Variants in LOC400499 observed in about 807,000 individuals in gnomAD.
At chr16:11,444,539 G>A in the LOC400499 span, among the ~76,000 whole-genome samples, 55 of 152,308 alleles carry the variant, frequency 3.6e-4, no homozygotes, top group Admixed American at 3.2e-3. Context: ...GAATTGTAAC[G>A]GTAGTTATGA....
chr16:11,384,631 A>T, the LOC400499 span, among the ~76,000 whole-genome samples: 13 of 152,218 alleles, frequency 8.5e-5, no homozygotes, highest in Middle Eastern at 3.2e-3. Flanking sequence ...GGGACGACAG[A>T]AGGGCCAACT....
At chr16:11,501,027 A>C in the LOC400499 span, 1 of 398,576 alleles carries the variant, frequency 2.5e-6, no homozygotes. Context: ...ATCTCACCGA[A>C]GTCACCCGGG....
At chr16:11,424,159 G>A in the LOC400499 span, 4 of 399,508 alleles carry the variant, frequency 1.0e-5, no homozygotes, top group Non-Finnish European at 1.8e-5. Flanking sequence ...CAGTGCTTGA[G>A]GCTGGGCATG....
chr16:11,510,798 G>A, the LOC400499 span, among the ~76,000 whole-genome samples: 2 of 151,514 alleles, frequency 1.3e-5, no homozygotes, highest in Non-Finnish European at 2.9e-5. Context: ...CACGACAGTT[G>A]GGAACCAGAT....
At chr16:11,462,048 A>C in the LOC400499 span, 17 of 1,318,374 alleles carry the variant, frequency 1.3e-5, no homozygotes, top group African/African-American at 2.6e-4. Flanking sequence ...GACCATAAGG[A>C]GGCACTTGGG....
chr16:11,454,612 G>A, the LOC400499 span, among the ~76,000 whole-genome samples: 7 of 152,230 alleles, frequency 4.6e-5, no homozygotes, highest in African/African-American at 1.7e-4. Flanking sequence ...AGGGAGGGTT[G>A]TCCCCAGAGC....
the LOC400499 span, among the ~76,000 whole-genome samples, chr16:11,512,297 T>A: frequency 7.5e-3 from 1,050 of 139,482 alleles, 14 homozygotes; most frequent in African/African-American, 0.028. Context: ...AATAAATAAA[T>A]AAAATAATAA....
the LOC400499 span, among the ~76,000 whole-genome samples, chr16:11,492,157 G>C: frequency 6.6e-6 from 1 of 152,088 alleles, no homozygotes; most frequent in Non-Finnish European, 1.5e-5. Context: ...CCACACAGGA[G>C]GCCTTTAAAT....
the LOC400499 span, chr16:11,383,745 G>T: frequency 2.4e-6 from 3 of 1,232,414 alleles, no homozygotes; most frequent in Non-Finnish European, 2.0e-6. Context: ...TGCCACAGGG[G>T]ACCTGCACAC....
the LOC400499 span, among the ~76,000 whole-genome samples, chr16:11,443,060 A>G: frequency 1.3e-5 from 2 of 152,144 alleles, no homozygotes. Context: ...GTGGTGGTTC[A>G]TGGCTGTAAT....
the LOC400499 span, among the ~76,000 whole-genome samples, chr16:11,410,552 C>T: frequency 3.3e-5 from 5 of 152,324 alleles, no homozygotes; most frequent in South Asian, 4.1e-4. Flanking sequence ...CGTGTAAATG[C>T]GGCAGGGGAC....
the LOC400499 span, among the ~76,000 whole-genome samples, chr16:11,500,488 G>A: frequency 3.5e-5 from 5 of 143,922 alleles, no homozygotes; most frequent in African/African-American, 1.3e-4. Flanking sequence ...TCCAGCTTGG[G>A]CGACAGAGCA....
chr16:11,524,908 A>G, the LOC400499 span, among the ~76,000 whole-genome samples: 2 of 152,278 alleles, frequency 1.3e-5, no homozygotes, highest in Non-Finnish European at 2.9e-5. Flanking sequence ...TGGCATTTCA[A>G]TAATACCACT....
chr16:11,494,566 T>C, the LOC400499 span: 1 of 377,424 alleles, frequency 2.6e-6, no homozygotes, highest in Non-Finnish European at 4.7e-6. Context: ...GGACACTGGA[T>C]GTCCTCACCT....
chr16:11,379,360 C>T, the LOC400499 span, among the ~76,000 whole-genome samples: 1 of 152,224 alleles, frequency 6.6e-6, no homozygotes, highest in Non-Finnish European at 1.5e-5. Flanking sequence ...AGGTGTGTTG[C>T]ATGTACATTT....
At chr16:11,522,068 G>A in the LOC400499 span, 1 of 399,128 alleles carries the variant, frequency 2.5e-6, no homozygotes, top group Non-Finnish European at 4.4e-6. Flanking sequence ...GTGGAAAAAT[G>A]ATAGGTGTAT....
chr16:11,496,185 T>C, the LOC400499 span, among the ~76,000 whole-genome samples: 2 of 151,938 alleles, frequency 1.3e-5, no homozygotes, highest in Non-Finnish European at 2.9e-5. Context: ...TCCTGCCTCA[T>C]CTTCCTGAGT....
At chr16:11,424,311 A>T in the LOC400499 span, 1 of 399,586 alleles carries the variant, frequency 2.5e-6, no homozygotes, top group Non-Finnish European at 4.4e-6. Context: ...CACGTGGGTG[A>T]GAGACAGGAG....
the LOC400499 span, among the ~76,000 whole-genome samples, chr16:11,488,429 TG>T: frequency 4.6e-5 from 7 of 152,168 alleles, no homozygotes; most frequent in Non-Finnish European, 1.0e-4. Context: ...TTGTTTGTTT[TG>T]TTTTTTTTGA....
Sources: gnomAD v4.1 joint callset for allele counts (sites outside exome capture counted in the v4.1 genomes callset) on GRCh38, gnomAD v4.1.1 for gene constraint, MANE v1.5 for transcripts.